OR1J2: variants seen among roughly 807,000 people sequenced by gnomAD.
The protein encoded by OR1J2 is olfactory receptor family 1 subfamily J member 2.
For missense variants in OR1J2, 304 were observed against 246.1 expected, an observed-to-expected ratio of 1.24 and a Z score of -1.57; for synonymous variants, 142 against 99.7, an observed-to-expected ratio of 1.42 and a Z score of -2.52.
chr9:122,510,899 G>A lies in OR1J2; in HGVS notation c.98G>A (p.Gly33Asp), dbSNP rs1364513615. 3 of 1,611,816 alleles carry A rather than the reference G, an allele frequency of 1.9e-6. No individual in the cohort carries two copies. The highest frequency in any genetic ancestry group is 8.5e-7 in the Non-Finnish European group (1 of 1,177,982). The change falls in exon 1 of 1, where the codon GGC (glycine) becomes GAC (aspartate). Residue 33 changes from glycine to aspartate, a missense_variant. Gly to Asp is a moderately conservative substitution (Grantham distance 94). Transcript: ENST00000335302. ...QQAVFFTLFL[G>D]MYLTTVLGNL... ...GCTGTGTTCTTCACCCTGTTCCTGG[G>A]CATGTACCTGACCACGGTGCTGGGG...
chr9:122,563,844 A>C, the OR1J2 span, among the ~76,000 whole-genome samples: 88,375 of 152,016 alleles, frequency 0.58, 26,201 homozygotes, highest in East Asian at 0.97. Flanking sequence ...TTCAGTTTTT[A>C]TAACATCATA....
chr9:122,482,634 G>C, the OR1J2 span, among the ~76,000 whole-genome samples: 2 of 152,074 alleles, frequency 1.3e-5, no homozygotes, highest in Non-Finnish European at 2.9e-5. Context: ...GTGGATAAAT[G>C]GATAAAGAAA....
rs768934378 is a variant in OR1J2, at chr9:122,511,054, A to G, written c.253A>G (p.Met85Val). 6 of 1,446,500 alleles carry G rather than the reference A, an allele frequency of 4.1e-6. No homozygotes were observed. Among genetic ancestry groups the G allele is most frequent in the Non-Finnish European group, 9.7e-7 (1 of 1,034,784 alleles). The allele number at this position is 1,446,500 out of a possible 1,614,324, so 89.6% of individuals were successfully genotyped here. Residue 85 changes from methionine to valine, a missense_variant, in exon 1 of 1, where the codon ATG (methionine) becomes GTG (valine). Physicochemically the swap from Met to Val is conservative, Grantham distance 21. Transcript: ENST00000335302. ...CACTGTCCCTAAGATGCTGATGGAC[A>G]TGCGGACTAAGTACAAATCGATCCT... is the stretch of plus-strand genomic sequence containing the variant. ...SVTVPKMLMD[M>V]RTKYKSILYE...
At chr9:122,551,136 C>G in the OR1J2 span, among the ~76,000 whole-genome samples, 1 of 152,124 alleles carries the variant, frequency 6.6e-6, no homozygotes, top group Non-Finnish European at 1.5e-5. Flanking sequence ...AGAACCAAAT[C>G]AAGACCTCAA....
chr9:122,552,136 A>C, the OR1J2 span, among the ~76,000 whole-genome samples: 1 of 139,834 alleles, frequency 7.2e-6, no homozygotes, highest in African/African-American at 2.6e-5. Flanking sequence ...TGACCAGGCA[A>C]AAGTTTCCTG....
At chr9:122,578,298 A>G in the OR1J2 span, 1 of 152,180 alleles carries the variant, frequency 6.6e-6, no homozygotes, top group Admixed American at 6.5e-5. Flanking sequence ...AAAATACAAA[A>G]ATTAGCTGGT....
At chr9:122,570,503 C>G in the OR1J2 span, among the ~76,000 whole-genome samples, 1 of 152,140 alleles carries the variant, frequency 6.6e-6, no homozygotes, top group East Asian at 1.9e-4. Context: ...ACCTTTAAAT[C>G]TCAGGTTTTT....
the OR1J2 span, among the ~76,000 whole-genome samples, chr9:122,482,489 C>A: frequency 6.6e-6 from 1 of 152,112 alleles, no homozygotes; most frequent in Non-Finnish European, 1.5e-5. Flanking sequence ...AATAGAACTA[C>A]CATATGATCC....
At chr9:122,515,712 A>G (rs937216862), downstream of OR1J2, among the ~76,000 whole-genome samples, 4 of 152,142 alleles carry the variant, frequency 2.6e-5, no homozygotes, top group African/African-American at 9.7e-5. Context: ...CAGCACAGCT[A>G]CTTTCTGAAA....
the OR1J2 span, among the ~76,000 whole-genome samples, chr9:122,561,896 T>G: frequency 1.3e-5 from 2 of 152,134 alleles, no homozygotes; most frequent in Admixed American, 6.5e-5. Context: ...GGAGGGAAAC[T>G]TACTCATCTG....
the OR1J2 span, chr9:122,519,479 C>T: frequency 5.0e-6 from 8 of 1,614,146 alleles, no homozygotes; most frequent in Non-Finnish European, 6.8e-6. Context: ...TAGACAATTT[C>T]CTTCTCACTT....
At chr9:122,558,465 C>G in the OR1J2 span, among the ~76,000 whole-genome samples, 1 of 151,360 alleles carries the variant, frequency 6.6e-6, no homozygotes. Flanking sequence ...TTGACAAATG[C>G]TTTCTGGGCT....
chr9:122,523,398 G>T, the OR1J2 span, among the ~76,000 whole-genome samples: 1 of 152,094 alleles, frequency 6.6e-6, no homozygotes, highest in Non-Finnish European at 1.5e-5. Flanking sequence ...CATTGGCTGG[G>T]GTGGGGTGGA....
chr9:122,556,034 C>T, the OR1J2 span, among the ~76,000 whole-genome samples: 1 of 152,130 alleles, frequency 6.6e-6, no homozygotes, highest in African/African-American at 2.4e-5. Context: ...CTAGTTATTC[C>T]CCTCTCCCCA....
rs773543411 is a variant in OR1J2 at position 122,511,536 on chromosome 9, C to G, written c.735C>G (p.Leu245=). The stretch of plus-strand genomic sequence containing the variant: ...CATTGTCCACATGTGGCTCCCATCT[C>G]TCTGTGGTGTCTCTCTATTATGGGT... ...HKALSTCGSH[L]SVVSLYYGSI... is the part of the protein sequence containing the mutation. Residue 245 remains leucine, a synonymous_variant, in exon 1 of 1, where the codon CTC becomes CTG. Coordinates refer to ENST00000335302, the MANE Select transcript of OR1J2 (RefSeq NM_054107.1). 2 of 781,098 alleles carry G rather than the reference C, an allele frequency of 2.6e-6. No individual in the cohort carries two copies. Among genetic ancestry groups the G allele is most frequent in the Non-Finnish European group, 4.8e-6 (2 of 418,134 alleles). 48.4% of individuals were successfully genotyped at this position (781,098 alleles called of 1,614,324 possible). A position where few individuals can be genotyped will look rare whatever the true frequency, so the allele number is the denominator to read the frequency against.
the OR1J2 span, among the ~76,000 whole-genome samples, chr9:122,578,603 C>T: frequency 6.6e-6 from 1 of 151,992 alleles, no homozygotes; most frequent in Non-Finnish European, 1.5e-5. Context: ...ATACATATAC[C>T]ATGGAATACT....
the OR1J2 span, among the ~76,000 whole-genome samples, chr9:122,454,774 C>A: frequency 6.6e-6 from 1 of 152,186 alleles, no homozygotes; most frequent in East Asian, 1.9e-4. Flanking sequence ...CACCTATGGT[C>A]AGCCGTCATG....
chr9:122,526,737 G>A, the OR1J2 span: 1 of 1,614,128 alleles, frequency 6.2e-7, no homozygotes, highest in Non-Finnish European at 8.5e-7. Flanking sequence ...GTCAGAACAT[G>A]ACAGCTTCAG....
rs775947834 is a variant in OR1J2 at position 122,511,453 on chromosome 9, T to C, written c.652T>C (p.Tyr218His). ...TLPFMCILVS[Y>H]GYIGATILRV... The stretch of plus-strand genomic sequence containing the variant: ...GCCATTCATGTGTATCCTGGTATCA[T>C]ATGGCTACATTGGGGCCACCATCCT... Residue 218 changes from tyrosine (Y) to histidine (H), a missense_variant, in exon 1 of 1, where the codon TAT becomes CAT. Physicochemically the swap from Tyr to His is moderately conservative, Grantham distance 83. Transcript: ENST00000335302. The C allele has an allele frequency of 2.6e-6, 2 of 779,642 alleles. No homozygotes were observed. Among genetic ancestry groups the C allele is most frequent in the African/African-American group, 1.7e-5 (1 of 59,238 alleles). The allele number at this position is 779,642 out of a possible 1,614,324, so 48.3% of individuals were successfully genotyped here. A position where few individuals can be genotyped will look rare whatever the true frequency, so the allele number is the denominator to read the frequency against.
Sources: allele counts gnomAD v4.1 joint callset (sites outside exome capture counted in the v4.1 genomes callset), GRCh38; gene constraint gnomAD v4.1.1; transcripts MANE v1.5; gene names NCBI Gene and HGNC (gene_info 2026-07-23, HGNC 2026-07-21).